EPHA10: variants seen among roughly 807,000 people sequenced by gnomAD.
EPHA10 encodes the protein EPH receptor A10.
A neutral mutation model predicts 109.7 loss-of-function variants in EPHA10; 120 were observed. That is an observed-to-expected ratio of 1.09 (90% CI 0.94 to 1.27). EPHA10 has a LOEUF of 1.27. Among genes scored for constraint, EPHA10 ranks in the 50% most tolerant of loss-of-function variants. EPHA10 has a pLI of 0.00. For missense variants in EPHA10, 1,396 were observed against 1,411.1 expected (o/e 0.99, Z 0.17); for synonymous variants, 640 against 618.9 (o/e 1.03, Z -0.51).
At chr1:37,749,017 G>C (rs907536874) in intron 5 of EPHA10, among the ~76,000 whole-genome samples, 6 of 146,612 alleles carry the variant, frequency 4.1e-5, no homozygotes, top group African/African-American at 1.5e-4. Context: ...CCACCTCCAG[G>C]GTTCAAGAGA....
At chr1:37,720,122 C>T (rs2148306260) in intron 13 of EPHA10, 64 bp from the exon 14 acceptor site, 1 of 1,590,984 alleles carries the variant, frequency 6.3e-7, no homozygotes, top group East Asian at 2.2e-5. Flanking sequence ...CCCCACCCCA[C>T]TGAGCCCCAG....
At chr1:37,723,695 T>A (rs1645841583) in intron 8 of EPHA10, among the ~76,000 whole-genome samples, 1 of 152,174 alleles carries the variant, frequency 6.6e-6, no homozygotes, top group Non-Finnish European at 1.5e-5. Context: ...TGCGGTTTTG[T>A]GAAAGTGTGA....
Position 37,727,179 on chromosome 1 carries a change from G to T in EPHA10, c.1695C>A (p.Ala565=). The change falls in exon 8 of 17, where the codon GCC becomes GCA. Residue 565 remains alanine (A), a synonymous_variant. Transcript: ENST00000373048. ...AASGSRDQSP[A]IVVTVVTISA... ...AGATGGTCACTACGGTGACGACAAT[G>T]GCGGGGCTCTGGTCCCTGGACCCTG... 6.2e-7 allele frequency: 1 copy of T among 1,611,934 alleles called. No homozygotes were observed. Among genetic ancestry groups the T allele is most frequent in the Non-Finnish European group, 8.5e-7 (1 of 1,178,794 alleles).
Position 37,764,064 on chromosome 1 carries a change from GCAGAC to G in EPHA10, c.106+892_106+896del, listed in dbSNP as rs918117191. Among the ~76,000 whole-genome samples, 2 of 152,190 alleles carry G rather than the reference GCAGAC, an allele frequency of 1.3e-5. No homozygotes were observed. The highest frequency in any genetic ancestry group is 2.9e-5 in the Non-Finnish European group (2 of 68,032). On this transcript the variant is annotated intron_variant, in intron 1 of 16. Transcript: ENST00000373048. The surrounding 1 kb of genome is among the most constrained non-coding windows in gnomAD (Gnocchi z 5.8). ...GAAAATGGTTTGGACAGCAGAGTCC[GCAGAC>G]CAGAGACAGGAGGTCAGGACACCCC...
chr1:37,761,441 T>G lies in EPHA10; in HGVS notation c.814A>C (p.Ser272Arg). ...WLVPVGRCSC[S>R]AGFQERGDFC... ...TCACCACGCTCCTGGAATCCCGCGC[T>G]GCAGCTGCAGCGGCCCACAGGCACC... Residue 272 changes from serine to arginine, a missense_variant, in exon 3 of 17, where the codon AGC becomes CGC. Transcript: ENST00000373048. 1 of 1,598,684 alleles carries G rather than the reference T, an allele frequency of 6.3e-7. No individual in the cohort carries two copies. The highest frequency in any genetic ancestry group is 8.5e-7 in the Non-Finnish European group (1 of 1,178,970).
chr1:37,729,206 C>T (rs1307509220), intron 7 of EPHA10, among the ~76,000 whole-genome samples: 1 of 152,106 alleles, frequency 6.6e-6, no homozygotes, highest in Non-Finnish European at 1.5e-5. Flanking sequence ...TGAACTCTCC[C>T]CCAGCTAAGC....
intron 7 of EPHA10, among the ~76,000 whole-genome samples, chr1:37,728,217 A>G (rs1645926142): frequency 6.6e-6 from 1 of 152,146 alleles, no homozygotes; most frequent in Non-Finnish European, 1.5e-5. Context: ...GAAGGCGGAG[A>G]GTGGCAAATA....
chr1:37,718,845 G>A (rs747213266), intron 15 of EPHA10, 29 bp from the exon 16 acceptor site: 71 of 1,581,584 alleles, frequency 4.5e-5, no homozygotes, highest in Admixed American at 8.7e-5. Flanking sequence ...GTGCTCAACC[G>A]ACAGCTGGGA....
chr1:37,749,532 T>A (rs694523), intron 5 of EPHA10, among the ~76,000 whole-genome samples: 82,120 of 151,388 alleles, frequency 0.54, 22,225 homozygotes, highest in South Asian at 0.63. Flanking sequence ...AATTAGCCGG[T>A]TGTGGTGGTG....
rs200578698 is a variant in EPHA10 at position 37,723,063 on chromosome 1, C to T, written c.1938G>A (p.Thr646=). The T allele has an allele frequency of 2.5e-5, 41 of 1,614,192 alleles. No individual in the cohort carries two copies. Among genetic ancestry groups the T allele is most frequent in the Non-Finnish European group, 3.1e-5 (36 of 1,180,038 alleles). Reference sequence around the variant, plus strand: ...TGCCTCCTCCAAGGCTCCTCTCCAGCGTGACGCTTTTCGCATCCAGTTCCT... The same window carrying T: ...TGCCTCCTCCAAGGCTCCTCTCCAGTGTGACGCTTTTCGCATCCAGTTCCT... ...FAKELDAKSV[T]LERSLGGGRF... The change falls in exon 10 of 17, where the codon ACG becomes ACA. Residue 646 remains threonine, a synonymous_variant. Coordinates refer to ENST00000373048, the MANE Select transcript of EPHA10 (RefSeq NM_001099439.2).
At chr1:37,740,552 A>C (rs1646138463) in intron 5 of EPHA10, among the ~76,000 whole-genome samples, 1 of 151,798 alleles carries the variant, frequency 6.6e-6, no homozygotes, top group Non-Finnish European at 1.5e-5. Context: ...TGATCCGCCC[A>C]CCCCGGCCTC....
In EPHA10 at chr1:37,721,743, C is replaced by G. The variant is rs1385848066; in HGVS notation, c.2063G>C (p.Arg688Thr). ...MLRDSASDSQ[R>T]LGFLAEALTL... ...GAGGGCCTCGGCCAGGAAGCCGAGC[C>G]TCTGTGAGTCGGAGGCGCTGTCCCT... The change falls in exon 11 of 17, where the codon AGG (arginine) becomes ACG (threonine). Residue 688 changes from arginine to threonine, a missense_variant. By Grantham distance (71) the Arg-to-Thr change is moderately conservative. Transcript: ENST00000373048. The G allele has an allele frequency of 6.2e-7, 1 of 1,612,604 alleles. No homozygotes were observed. Among genetic ancestry groups the G allele is most frequent in the Non-Finnish European group, 8.5e-7 (1 of 1,179,898 alleles).
At chr1:37,714,378 C>T (rs541007201), downstream of EPHA10, among the ~76,000 whole-genome samples, 9 of 152,288 alleles carry the variant, frequency 5.9e-5, no homozygotes, top group South Asian at 2.1e-4. Flanking sequence ...CACATGCATG[C>T]GCACTCAGGC....
intron 5 of EPHA10, among the ~76,000 whole-genome samples, chr1:37,751,099 G>C (rs1161665035): frequency 6.6e-6 from 1 of 151,414 alleles, no homozygotes; most frequent in Admixed American, 6.6e-5. Context: ...CAGTTACTCA[G>C]GAGGCTGAGG....
In EPHA10 at chr1:37,761,687, G is replaced by C. The variant is rs922797569; in HGVS notation, c.568C>G (p.Leu190Val). The C allele has an allele frequency of 3.7e-6, 6 of 1,612,430 alleles. No individual in the cohort carries two copies. Among genetic ancestry groups the C allele is most frequent in the Middle Eastern group, 1.6e-4 (1 of 6,062 alleles). ...CATGCGCCCACGTCCTGAAAGGCCA[G>C]GTGGAAACCCCGCCGGCTGAGCGGT... is the stretch of plus-strand genomic sequence containing the variant. ...IGPLSRRGFH[L>V]AFQDVGACVA... Residue 190 changes from leucine to valine, a missense_variant, in exon 3 of 17, where the codon CTG (leucine) becomes GTG (valine). Physicochemically the swap from Leu to Val is conservative, Grantham distance 32. Transcript: ENST00000373048.
intron 6 of EPHA10, 128 bp from the exon 7 acceptor site, chr1:37,731,710 A>C: frequency 2.1e-6 from 2 of 973,794 alleles, no homozygotes; most frequent in Non-Finnish European, 2.9e-6. Context: ...GCGAAAACCC[A>C]ACCTCAATCA....
intron 5 of EPHA10, among the ~76,000 whole-genome samples, chr1:37,739,630 A>C (rs1224955393): frequency 6.8e-6 from 1 of 145,994 alleles, no homozygotes; most frequent in East Asian, 2.1e-4. Context: ...TGGAGGTTGC[A>C]GTGAGCCAAG....
At chr1:37,734,838 C>A (rs937777784) in intron 6 of EPHA10, among the ~76,000 whole-genome samples, 21 of 152,346 alleles carry the variant, frequency 1.4e-4, no homozygotes, top group Non-Finnish European at 2.6e-4. Context: ...TGTTAAATAT[C>A]TACCAGCACA....
chr1:37,732,993 G>A (rs1646012483), intron 6 of EPHA10, among the ~76,000 whole-genome samples: 2 of 135,316 alleles, frequency 1.5e-5, no homozygotes, highest in African/African-American at 5.5e-5. Context: ...CTGGGTTCAA[G>A]CAATTCTCCC....
Sources: gnomAD v4.1 joint callset for allele counts (sites outside exome capture counted in the v4.1 genomes callset) on GRCh38, gnomAD v4.1.1 for gene constraint, Gnocchi (gnomAD v3.1) non-coding constraint, MANE v1.5 for transcripts, NCBI Gene and HGNC (gene_info 2026-07-23, HGNC 2026-07-21) for gene names.